Variants in FANCE observed in about 807,000 individuals in gnomAD.
The protein encoded by FANCE is Fanconi anemia group E protein.
In FANCE, 42 loss-of-function variants were observed where a neutral mutation model predicts 57.8. That is an observed-to-expected ratio of 0.73 (90% CI 0.57 to 0.94). The LOEUF (loss-of-function observed/expected upper bound fraction) is 0.94. Ranked by LOEUF, FANCE falls within the 40% of genes least tolerant of loss-of-function variation. The pLI is 0.00. For missense variants in FANCE, 608 were observed against 661.8 expected (o/e 0.92, Z 0.89); for synonymous variants, 251 against 286.4 (o/e 0.88, Z 1.25).
chr6:35,455,944 C>T lies in FANCE; in HGVS notation c.446C>T (p.Ser149Phe). ...CGAAGGGATTTGGGGGTGGGGACCT[C>T]CATGGAGGGAGCTTCTCCACTGTCT... The part of the protein sequence containing the change: ...LLRRDLGVGT[S>F]MEGASPLSER... Residue 149 changes from serine to phenylalanine, a missense_variant, in exon 2 of 10, where the codon TCC becomes TTC. Physicochemically the swap from Ser to Phe is radical, Grantham distance 155 (BLOSUM62 -2). Coordinates refer to ENST00000229769, the MANE Select transcript of FANCE (RefSeq NM_021922.3). The T allele has an allele frequency of 1.2e-6, 2 of 1,614,024 alleles. No homozygotes were observed. Among genetic ancestry groups the T allele is most frequent in the Non-Finnish European group, 8.5e-7 (1 of 1,179,998 alleles).
chr6:35,464,931 T>C (rs532097781), intron 9 of FANCE, among the ~76,000 whole-genome samples: 1 of 150,986 alleles, frequency 6.6e-6, no homozygotes, highest in South Asian at 2.1e-4. Context: ...AGACGGGGTT[T>C]CACTGTGTTA....
chr6:35,463,066 C>T (rs1244815016), intron 9 of FANCE, 152 bp downstream of exon 9: 18 of 1,031,640 alleles, frequency 1.7e-5, no homozygotes, highest in African/African-American at 3.2e-5. Flanking sequence ...TTTGGGAGGC[C>T]GAGGCAGGCG....
In FANCE at chr6:35,462,773, C is replaced by A. The variant is rs1451272523; in HGVS notation, c.1384-16C>A. On this transcript the variant is annotated splice_polypyrimidine_tract_variant and intron_variant, in intron 8 of 9. Coordinates refer to ENST00000229769, the MANE Select transcript of FANCE (RefSeq NM_021922.3). The stretch of plus-strand genomic sequence containing the variant: ...GCCTTTCTTGTGATTACTGCTCCAT[C>A]TCCCAATGTGTGCAGGTGGAGATGA... The A allele has an allele frequency of 1.9e-6, 3 of 1,613,934 alleles. No individual in the cohort carries two copies. In the African/African-American group the frequency reaches 4.0e-5, roughly 22 times the overall value.
At chr6:35,459,981 C>T (rs45472598) in intron 7 of FANCE, among the ~76,000 whole-genome samples, 1,789 of 152,292 alleles carry the variant, frequency 0.012, 21 homozygotes, top group East Asian at 0.057. Flanking sequence ...CCTTGTGTCT[C>T]ACTACCAAAT....
rs45471595 is a variant in FANCE at position 35,459,819 on chromosome 6, A to G, written c.1316+59A>G. The G allele has an allele frequency of 4.1e-6, 6 of 1,476,666 alleles. No homozygotes were observed. The Admixed American group carries it at 1.0e-4, about 25-fold the overall frequency. The allele number at this position is 1,476,666 out of a possible 1,614,324, so 91.5% of individuals were successfully genotyped here. On this transcript the variant is annotated intron_variant, in intron 7 of 9. Transcript: ENST00000229769. ...CCACCTGTTCCCCCAGGCTAGAGTG[A>G]CATCACATGTGTTGGGCCCTGCAGG...
intron 5 of FANCE, 134 bp downstream of exon 5, chr6:35,458,574 G>A: frequency 9.2e-7 from 1 of 1,092,330 alleles, no homozygotes; most frequent in Non-Finnish European, 1.4e-6. Context: ...CCTGGGGCAA[G>A]GAAAGGATGC....
intron 1 of FANCE, among the ~76,000 whole-genome samples, chr6:35,455,237 TGATA>T (rs1767275304): frequency 1.3e-5 from 2 of 152,320 alleles, no homozygotes; most frequent in Admixed American, 1.3e-4. Context: ...GCCTGTCATA[TGATA>T]GATATTCAAT....
In FANCE at chr6:35,456,481, G is replaced by A; in HGVS notation, c.855+128G>A. 8.0e-7 allele frequency: 1 copy of A among 1,246,548 alleles called. No homozygotes were observed. Among genetic ancestry groups the A allele is most frequent in the Non-Finnish European group, 1.2e-6 (1 of 852,274 alleles). 77.2% of individuals were successfully genotyped at this position (1,246,548 alleles called of 1,614,324 possible). ...TAGTTCCTGGAGGAAGAAGGAGGAA[G>A]GTAGGGTTGAGGGAATGTAGCCTCC... On this transcript the variant is annotated intron_variant, in intron 2 of 9. Coordinates refer to ENST00000229769, the MANE Select transcript of FANCE (RefSeq NM_021922.3). The surrounding 1 kb of genome is among the most constrained non-coding windows in gnomAD (Gnocchi z 4.3).
intron 1 of FANCE, among the ~76,000 whole-genome samples, chr6:35,453,612 C>T (rs1194905165): frequency 6.6e-6 from 1 of 152,202 alleles, no homozygotes; most frequent in Non-Finnish European, 1.5e-5. Flanking sequence ...ATACCCCTCC[C>T]CCATAATTTA....
chr6:35,458,517 G>C, intron 5 of FANCE, 77 bp downstream of exon 5: 1 of 1,550,294 alleles, frequency 6.5e-7, no homozygotes, highest in Non-Finnish European at 8.9e-7. Context: ...GGTGGTACTT[G>C]AGAGAGGGGA....
At chr6:35,465,831 G>C (rs548105958) in intron 9 of FANCE, among the ~76,000 whole-genome samples, 2 of 152,322 alleles carry the variant, frequency 1.3e-5, no homozygotes, top group African/African-American at 4.8e-5. Context: ...CAACAGGGCA[G>C]AAAGAGAAAG....
At position 35,456,971 on chromosome 6, in the gene FANCE, A is replaced by T. The variant is rs1767367889; in HGVS notation, c.856-585A>T. On this transcript the variant is annotated intron_variant, in intron 2 of 9. Transcript: ENST00000229769. The surrounding 1 kb of genome is among the most constrained non-coding windows in gnomAD (Gnocchi z 4.3). ...ATATGTGGGTGGGAAGAATCATGACAGCATCCAGTCTGCCCCTGCCTCCTA... is the reference window on the plus strand; with the variant it reads ...ATATGTGGGTGGGAAGAATCATGACTGCATCCAGTCTGCCCCTGCCTCCTA... 6.6e-6 allele frequency among the ~76,000 whole-genome samples: 1 copy of T among 152,208 alleles called. No individual in the cohort carries two copies. The highest frequency in any genetic ancestry group is 6.5e-5 in the Admixed American group (1 of 15,278).
At chr6:35,455,429 T>C (rs1170205577) in intron 1 of FANCE, among the ~76,000 whole-genome samples, 1 of 152,074 alleles carries the variant, frequency 6.6e-6, no homozygotes, top group African/African-American at 2.4e-5. Context: ...TGCCTCAGCC[T>C]CCCCAGTAGC....
intron 8 of FANCE, among the ~76,000 whole-genome samples, chr6:35,462,258 C>G (rs190707149): frequency 1.4e-4 from 21 of 152,218 alleles, no homozygotes; most frequent in African/African-American, 4.8e-4. Flanking sequence ...CAGGCACGCA[C>G]CACCACGCCC....
rs936988373 is a variant in FANCE at position 35,459,706 on chromosome 6, G to T, written c.1262G>T (p.Cys421Phe). The change falls in exon 7 of 10, where the codon TGT becomes TTT. Residue 421 changes from cysteine (C) to phenylalanine (F), a missense_variant. Transcript: ENST00000229769. Reference sequence around the variant, plus strand: ...GGTCCTGCTCAAACAGAGTTACTGTGTTGCCTTGTGAAGATGGAGTCCCTG... The same window carrying T: ...GGTCCTGCTCAAACAGAGTTACTGTTTTGCCTTGTGAAGATGGAGTCCCTG... ...GTGPAQTELLCCLVKMESLEP... is the reference protein window; with the variant it reads ...GTGPAQTELLFCLVKMESLEP... The T allele has an allele frequency of 1.9e-6, 3 of 1,614,070 alleles. No homozygotes were observed.
rs1019341487 is a variant in FANCE, at chr6:35,467,090, G to A, written c.*745G>A. The A allele has an allele frequency of 9.9e-6, 2 of 201,586 alleles. No individual in the cohort carries two copies. The highest frequency in any genetic ancestry group is 2.3e-5 in the African/African-American group (1 of 43,356). 12.5% of individuals were successfully genotyped at this position (201,586 alleles called of 1,614,324 possible). On this transcript the variant is annotated 3_prime_UTR_variant, in exon 10 of 10. Coordinates refer to ENST00000229769, the MANE Select transcript of FANCE (RefSeq NM_021922.3). Reference sequence around the variant, plus strand: ...AATTTATCAATGGTGTTGAATAAAAGCAAGTTCAATAATGTCTTTTTCTTT... The same window carrying A: ...AATTTATCAATGGTGTTGAATAAAAACAAGTTCAATAATGTCTTTTTCTTT...
At chr6:35,458,474 G>A in intron 5 of FANCE, 34 bp downstream of exon 5, 1 of 1,613,198 alleles carries the variant, frequency 6.2e-7, no homozygotes, top group Non-Finnish European at 8.5e-7. Flanking sequence ...GAGTGCCAAG[G>A]ACAATGGGGA....
intron 5 of FANCE, among the ~76,000 whole-genome samples, chr6:35,458,830 G>A (rs1372891315): frequency 2.0e-5 from 3 of 151,842 alleles, no homozygotes; most frequent in African/African-American, 7.3e-5. Context: ...ACTCAAGCTG[G>A]AGTGCAGTGG....
chr6:35,457,750 T>G, intron 3 of FANCE, 150 bp downstream of exon 3: 1 of 1,114,254 alleles, frequency 9.0e-7, no homozygotes, highest in Non-Finnish European at 1.3e-6. Context: ...CTGAAGGAGC[T>G]TTTCTTGAAC....
Sources: gnomAD v4.1 joint callset for allele counts (sites outside exome capture counted in the v4.1 genomes callset) on GRCh38, gnomAD v4.1.1 for gene constraint, Gnocchi (gnomAD v3.1) non-coding constraint, MANE v1.5 for transcripts, NCBI Gene and HGNC (gene_info 2026-07-23, HGNC 2026-07-21) for gene names.